GALK1: variants seen among roughly 807,000 people sequenced by gnomAD.
GALK1 encodes galactokinase.
In GALK1, 30 loss-of-function variants were observed where a neutral mutation model predicts 38.6. That is an observed-to-expected ratio of 0.78 (90% CI 0.58 to 1.05). The LOEUF is 1.05. GALK1 is among the 50% of genes least tolerant of loss of function. GALK1 has a pLI of 0.00. For missense variants in GALK1, 512 were observed against 540.5 expected (o/e 0.95, Z 0.52); for synonymous variants, 240 against 233.6 (o/e 1.03, Z -0.25).
At chr17:75,761,573 C>T (rs1026204682) in intron 5 of GALK1, among the ~76,000 whole-genome samples, 1 of 142,736 alleles carries the variant, frequency 7.0e-6, no homozygotes, top group African/African-American at 2.6e-5. Context: ...GCCGAGATTG[C>T]GCCACTGCAC....
At chr17:75,760,188 G>C (rs1472633593) in intron 5 of GALK1, among the ~76,000 whole-genome samples, 3 of 151,840 alleles carry the variant, frequency 2.0e-5, no homozygotes, top group Non-Finnish European at 4.4e-5. Flanking sequence ...CAACCTCCTG[G>C]GCTCAATTGA....
At chr17:75,755,671 C>G, downstream of GALK1, 1 of 1,612,176 alleles carries the variant, frequency 6.2e-7, no homozygotes, top group Non-Finnish European at 8.5e-7. Flanking sequence ...GCCCCTGCAT[C>G]TCTGGCTGAC....
At chr17:75,754,461 T>C, downstream of GALK1, 1 of 1,378,426 alleles carries the variant, frequency 7.3e-7, no homozygotes, top group South Asian at 1.2e-5. Context: ...ACTGGTTGTA[T>C]TTAAGCAAAA....
intron 1 of GALK1, 28 bp from the exon 2 acceptor site, chr17:75,764,114 G>C (rs769541708): frequency 5.1e-5 from 79 of 1,554,642 alleles, no homozygotes; most frequent in Non-Finnish European, 6.8e-5. Flanking sequence ...CAGTACGTGA[G>C]GCTTCCGCCA....
At chr17:75,757,607 T>C (rs776240676), downstream of GALK1, 2 of 1,608,932 alleles carry the variant, frequency 1.2e-6, no homozygotes, top group African/African-American at 1.3e-5. Context: ...TCCCGACTCC[T>C]CTCCCGGAGC....
chr17:75,757,321 A>AG, downstream of GALK1: 2 of 1,612,486 alleles, frequency 1.2e-6, no homozygotes, highest in Non-Finnish European at 1.7e-6. Context: ...GTGAGCACTG[A>AG]GGGCTAGGGG....
At chr17:75,757,061 C>T (rs144339436), downstream of GALK1, 1,345 of 1,612,576 alleles carry the variant, frequency 8.3e-4, no homozygotes, top group Non-Finnish European at 1.0e-3. Context: ...CTGAGGGCTT[C>T]GGGCCAGAGC....
chr17:75,763,805 C>G, intron 2 of GALK1, 92 bp downstream of exon 2: 1 of 1,245,716 alleles, frequency 8.0e-7, no homozygotes, highest in Non-Finnish European at 1.2e-6. Flanking sequence ...CAAGCCTTCC[C>G]CACAGTGTAT....
downstream of GALK1, chr17:75,756,423 C>T (rs781779030): frequency 6.2e-7 from 1 of 1,613,106 alleles, no homozygotes; most frequent in East Asian, 2.2e-5. Context: ...CACCTGATCC[C>T]CCCAGGTGAG....
At chr17:75,754,313 C>A (rs905935515), downstream of GALK1, among the ~76,000 whole-genome samples, 3 of 152,152 alleles carry the variant, frequency 2.0e-5, no homozygotes, top group Non-Finnish European at 4.4e-5. Flanking sequence ...GCAGACGCAG[C>A]AAACCCCCGC....
intron 8 of GALK1, chr17:75,752,447 C>T: frequency 6.2e-7 from 1 of 1,613,402 alleles, no homozygotes; most frequent in Non-Finnish European, 8.5e-7. Flanking sequence ...GCCCTGCAGT[C>T]CCCATCATCC....
Position 75,763,896 on chromosome 17 carries a change from C to A in GALK1, c.355+1G>T, listed in dbSNP as rs2061598689. Reference sequence around the variant, plus strand: ...ACTTGGCTCAGGCCTGGGCCCCATACCTGGGTAGTACTGAATCACTCCCTT... The same window carrying A: ...ACTTGGCTCAGGCCTGGGCCCCATAACTGGGTAGTACTGAATCACTCCCTT... On this transcript the variant is annotated splice_donor_variant, in intron 2 of 7. Transcript: ENST00000588479. LOFTEE classifies it high-confidence loss of function. 6.2e-7 allele frequency: 1 copy of A among 1,613,782 alleles called. No homozygotes were observed. Among genetic ancestry groups the A allele is most frequent in the African/African-American group, 1.3e-5 (1 of 75,062 alleles).
chr17:75,753,832 G>A (rs769064485), downstream of GALK1: 1 of 1,444,488 alleles, frequency 6.9e-7, no homozygotes, highest in East Asian at 2.8e-5. Flanking sequence ...CGTGGCGGCT[G>A]CCCCCGGAGC....
At chr17:75,755,224 G>T, downstream of GALK1, 1 of 1,597,956 alleles carries the variant, frequency 6.3e-7, no homozygotes, top group Non-Finnish European at 8.6e-7. Context: ...GTAGTACAGG[G>T]GTGGCCATCC....
downstream of GALK1, chr17:75,754,937 C>T (rs2061455566): frequency 6.7e-7 from 1 of 1,495,886 alleles, no homozygotes; most frequent in Non-Finnish European, 9.2e-7. Flanking sequence ...CACGCATGCA[C>T]ACATGCACGC....
Position 75,758,272 on chromosome 17 carries a change from C to A in GALK1, c.1045G>T (p.Gly349Cys), listed in dbSNP as rs754967473. The change falls in exon 7 of 8, where the codon GGT (glycine) becomes TGT (cysteine). Residue 349 changes from glycine (G) to cysteine (C), a missense_variant. Gly to Cys is a radical substitution (Grantham distance 159, BLOSUM62 -3). Transcript: ENST00000588479. ...TCCAGCAGTGTCACCGTGCAGCCAC[C>A]GAAGCCACCGCCCGTCATGCGGCTG... ...YGSRMTGGGFGGCTVTLLEAS... is the reference protein window; with the variant it reads ...YGSRMTGGGFCGCTVTLLEAS... 3 of 1,593,660 alleles carry A rather than the reference C, an allele frequency of 1.9e-6. No individual in the cohort carries two copies. The highest frequency in any genetic ancestry group is 1.7e-6 in the Non-Finnish European group (2 of 1,171,272).
At position 75,765,141 on chromosome 17, in the gene GALK1, C is replaced by T; in HGVS notation, c.-5G>A. 6.4e-7 allele frequency: 1 copy of T among 1,555,550 alleles called. No individual in the cohort carries two copies. Among genetic ancestry groups the T allele is most frequent in the Non-Finnish European group, 8.7e-7 (1 of 1,152,758 alleles). Reference sequence around the variant, plus strand: ...GGGCTGTCTCAAAGCAGCCATGACGCGCGCCTGCAGCTCTGCACAGCTGCT... The same window carrying T: ...GGGCTGTCTCAAAGCAGCCATGACGTGCGCCTGCAGCTCTGCACAGCTGCT... On this transcript the variant is annotated 5_prime_UTR_variant, in exon 1 of 8. Coordinates refer to ENST00000588479, the MANE Select transcript of GALK1 (RefSeq NM_000154.2).
downstream of GALK1, chr17:75,756,360 G>A (rs550246005): frequency 1.3e-6 from 2 of 1,567,794 alleles, no homozygotes; most frequent in African/African-American, 2.7e-5. Flanking sequence ...GCAGCTTAGG[G>A]ACGAGGAGGA....
downstream of GALK1, chr17:75,757,486 T>C: frequency 6.2e-7 from 1 of 1,612,924 alleles, no homozygotes; most frequent in Non-Finnish European, 8.5e-7. Flanking sequence ...CCCAGGAGTT[T>C]GTGAGCCGGA....
Sources: gnomAD v4.1 joint callset for allele counts (sites outside exome capture counted in the v4.1 genomes callset) on GRCh38, gnomAD v4.1.1 for gene constraint, MANE v1.5 for transcripts, NCBI Gene and HGNC (gene_info 2026-07-23, HGNC 2026-07-21) for gene names.